MEIKIN: variants seen among roughly 807,000 people sequenced by gnomAD.
The protein encoded by MEIKIN is meiosis-specific kinetochore protein.
chr5:131,878,580 T>C (rs1477865378), intron 9 of MEIKIN, among the ~76,000 whole-genome samples: 2 of 151,926 alleles, frequency 1.3e-5, no homozygotes, highest in South Asian at 2.1e-4. Context: ...AAAAAAAGTA[T>C]TGGTTAAGGC....
intron 7 of MEIKIN, among the ~76,000 whole-genome samples, chr5:131,912,687 C>T (rs907401229): frequency 6.6e-6 from 1 of 152,194 alleles, no homozygotes; most frequent in African/African-American, 2.4e-5. Flanking sequence ...ATAGTACCTT[C>T]TCGCCTCTGA....
intron 9 of MEIKIN, among the ~76,000 whole-genome samples, chr5:131,875,594 C>T (rs1433919957): frequency 6.6e-6 from 1 of 152,052 alleles, no homozygotes; most frequent in Non-Finnish European, 1.5e-5. Flanking sequence ...GATTCAATGC[C>T]ATCCCCATCA....
At chr5:131,814,514 C>T (rs542569096) in intron 12 of MEIKIN, among the ~76,000 whole-genome samples, 5 of 151,954 alleles carry the variant, frequency 3.3e-5, no homozygotes, top group Non-Finnish European at 7.4e-5. Flanking sequence ...TGGGCTCAAG[C>T]GATCCACTCG....
chr5:131,892,823 GT>G (rs1315491513), intron 8 of MEIKIN, among the ~76,000 whole-genome samples: 1 of 152,144 alleles, frequency 6.6e-6, no homozygotes, highest in Non-Finnish European at 1.5e-5. Flanking sequence ...TTTCTGCTCT[GT>G]TTTTTCCCCA....
chr5:131,877,043 T>C (rs1405483475), intron 9 of MEIKIN, among the ~76,000 whole-genome samples: 1 of 151,566 alleles, frequency 6.6e-6, no homozygotes, highest in Non-Finnish European at 1.5e-5. Flanking sequence ...ATATACCTAA[T>C]GCTAAATGAG....
chr5:131,861,400 A>T (rs1036157596), intron 9 of MEIKIN, among the ~76,000 whole-genome samples: 2 of 150,928 alleles, frequency 1.3e-5, no homozygotes, highest in Non-Finnish European at 1.5e-5. Context: ...AAAAAAAAAG[A>T]ATAATGTAGT....
chr5:131,850,033 T>C (rs1315153098), intron 11 of MEIKIN, among the ~76,000 whole-genome samples: 6 of 143,510 alleles, frequency 4.2e-5, no homozygotes, highest in Non-Finnish European at 7.7e-5. Context: ...CATAAGCAAT[T>C]TGAAAAGAAA....
intron 5 of MEIKIN, among the ~76,000 whole-genome samples, chr5:131,922,932 C>A (rs756862614): frequency 2.0e-5 from 3 of 152,140 alleles, no homozygotes; most frequent in African/African-American, 7.2e-5. Context: ...TGCTCTGTCG[C>A]CCAGGCTAGA....
At chr5:131,841,594 G>T (rs1039992408) in intron 11 of MEIKIN, among the ~76,000 whole-genome samples, 2 of 152,136 alleles carry the variant, frequency 1.3e-5, no homozygotes, top group African/African-American at 4.8e-5. Flanking sequence ...GGTTCCATAT[G>T]AATTTTAGGA....
intron 9 of MEIKIN, among the ~76,000 whole-genome samples, chr5:131,871,187 G>A (rs191316215): frequency 4.6e-5 from 7 of 152,296 alleles, no homozygotes; most frequent in East Asian, 1.9e-4. Flanking sequence ...TGCGCAAGCC[G>A]AAGCAGGGCA....
chr5:131,908,104 T>C (rs1751272971), intron 8 of MEIKIN, among the ~76,000 whole-genome samples: 1 of 152,114 alleles, frequency 6.6e-6, no homozygotes, highest in Non-Finnish European at 1.5e-5. Context: ...ATTACCCTGA[T>C]ACAAAAACCA....
At chr5:131,903,669 C>T (rs1025941739) in intron 8 of MEIKIN, among the ~76,000 whole-genome samples, 1 of 152,098 alleles carries the variant, frequency 6.6e-6, no homozygotes, top group African/African-American at 2.4e-5. Context: ...CCGTTACCAG[C>T]CACTACAAAA....
chr5:131,837,687 T>C (rs557930929), intron 11 of MEIKIN, among the ~76,000 whole-genome samples: 3 of 152,292 alleles, frequency 2.0e-5, no homozygotes, highest in African/African-American at 7.2e-5. Context: ...GGAATGTTAG[T>C]TATTTTTGTA....
At chr5:131,820,306 T>G (rs554642725) in intron 11 of MEIKIN, among the ~76,000 whole-genome samples, 65 of 150,596 alleles carry the variant, frequency 4.3e-4, no homozygotes, top group African/African-American at 1.5e-3. Flanking sequence ...ACTCCTGACC[T>G]CAGATGATCA....
At chr5:131,897,237 T>C (rs562936195) in intron 8 of MEIKIN, among the ~76,000 whole-genome samples, 1 of 152,238 alleles carries the variant, frequency 6.6e-6, no homozygotes, top group African/African-American at 2.4e-5. Context: ...TTGTAGAGTT[T>C]CTGCCAAGAG....
intron 11 of MEIKIN, among the ~76,000 whole-genome samples, chr5:131,845,718 T>C (rs962463099): frequency 6.6e-6 from 1 of 151,202 alleles, no homozygotes; most frequent in Non-Finnish European, 1.5e-5. Flanking sequence ...AACTTGAAAA[T>C]AGGACAATGA....
chr5:131,848,525 T>TC (rs1258916228), intron 11 of MEIKIN, among the ~76,000 whole-genome samples: 2 of 152,088 alleles, frequency 1.3e-5, no homozygotes, highest in African/African-American at 4.8e-5. Context: ...GGAGATTGAA[T>TC]CAGTAATGAA....
At chr5:131,868,301 T>A (rs1202636501) in intron 9 of MEIKIN, among the ~76,000 whole-genome samples, 1 of 152,156 alleles carries the variant, frequency 6.6e-6, no homozygotes, top group South Asian at 2.1e-4. Context: ...CCCAGGCTAG[T>A]CTTGAACCCT....
intron 5 of MEIKIN, among the ~76,000 whole-genome samples, chr5:131,922,835 C>T (rs985647502): frequency 6.6e-6 from 1 of 152,128 alleles, no homozygotes; most frequent in African/African-American, 2.4e-5. Flanking sequence ...ATCAAAACCA[C>T]CTTTTGTTTT....
Sources: allele counts gnomAD v4.1 joint callset (sites outside exome capture counted in the v4.1 genomes callset), GRCh38; gene constraint gnomAD v4.1.1; transcripts MANE v1.5; gene names NCBI Gene and HGNC (gene_info 2026-07-23, HGNC 2026-07-21).